Variants in ANTXR2 observed in about 807,000 individuals in gnomAD.
ANTXR2 encodes anthrax toxin receptor 2.
In ANTXR2, 44 loss-of-function variants were observed where a neutral mutation model predicts 73.7. That is an observed-to-expected ratio of 0.60 (90% confidence interval 0.47 to 0.77). The LOEUF is 0.77. ANTXR2 is among the 30% of genes least tolerant of loss of function. The pLI is 0.00. For synonymous variants in ANTXR2, 217 were observed against 205.9 expected (o/e 1.05, Z -0.46); for missense variants, 604 against 592.5 (o/e 1.02, Z -0.20).
At chr4:79,966,815 A>G (rs11098964) in intron 16 of ANTXR2, among the ~76,000 whole-genome samples, 73,155 of 151,966 alleles carry the variant, frequency 0.48, 20,215 homozygotes, top group East Asian at 0.94. Flanking sequence ...CCATGATTAA[A>G]TGGCCTGTGA....
chr4:80,066,233 G>A (rs949250527), intron 3 of ANTXR2, among the ~76,000 whole-genome samples: 10 of 152,088 alleles, frequency 6.6e-5, no homozygotes, highest in African/African-American at 2.4e-4. Context: ...ATCTTATTTT[G>A]ATCTTCACAA....
At chr4:79,909,031 C>A (rs1055547528) in intron 16 of ANTXR2, among the ~76,000 whole-genome samples, 12 of 152,038 alleles carry the variant, frequency 7.9e-5, no homozygotes, top group African/African-American at 2.9e-4. Flanking sequence ...AAAAGTAGTG[C>A]TTCTAAAACA....
At chr4:80,010,185 T>C (rs1165163673) in intron 11 of ANTXR2, among the ~76,000 whole-genome samples, 1 of 152,166 alleles carries the variant, frequency 6.6e-6, no homozygotes, top group Non-Finnish European at 1.5e-5. Flanking sequence ...CCAAAGTGCA[T>C]CTTTCTTTAC....
intron 12 of ANTXR2, among the ~76,000 whole-genome samples, chr4:80,002,198 G>C (rs957721981): frequency 1.3e-5 from 2 of 152,214 alleles, no homozygotes; most frequent in Admixed American, 1.3e-4. Flanking sequence ...CATGGTACTG[G>C]TACCAAAACA....
intron 16 of ANTXR2, among the ~76,000 whole-genome samples, chr4:79,957,426 C>T (rs10000339): frequency 0.75 from 113,538 of 151,898 alleles, 42,745 homozygotes; most frequent in East Asian, 0.96. Context: ...GAAAACATTG[C>T]TGCAAAAAGA....
chr4:79,908,942 G>A lies in ANTXR2; in HGVS notation c.1429-1475C>T, dbSNP rs181131630. ...ATAAAAGTGTTATTTTTCACAACACGTTATGTTCCATGGTTAGAAATACTT... is the reference window on the plus strand; with the variant it reads ...ATAAAAGTGTTATTTTTCACAACACATTATGTTCCATGGTTAGAAATACTT... On this transcript the variant is annotated intron_variant, in intron 16 of 16. Transcript: ENST00000403729. Among the ~76,000 whole-genome samples, 33 of 152,216 alleles carry A rather than the reference G, an allele frequency of 2.2e-4. No individual in the cohort carries two copies. The East Asian group carries it at 5.0e-3, about 23-fold the overall frequency.
At chr4:79,918,133 G>A (rs971146667) in intron 16 of ANTXR2, among the ~76,000 whole-genome samples, 1 of 152,156 alleles carries the variant, frequency 6.6e-6, no homozygotes, top group South Asian at 2.1e-4. Context: ...AACACTCACT[G>A]AATTTGAAGG....
At chr4:80,000,951 C>T (rs537479035) in intron 12 of ANTXR2, among the ~76,000 whole-genome samples, 2 of 152,142 alleles carry the variant, frequency 1.3e-5, no homozygotes, top group Non-Finnish European at 2.9e-5. Flanking sequence ...GTCCATGGAT[C>T]TCTGTTGTCA....
At chr4:79,990,253 T>C (rs2110029162) in intron 12 of ANTXR2, among the ~76,000 whole-genome samples, 1 of 151,832 alleles carries the variant, frequency 6.6e-6, no homozygotes, top group South Asian at 2.1e-4. Flanking sequence ...TTTCAAAAAG[T>C]TCCTGGACCT....
chr4:79,932,372 T>C (rs773531165), intron 16 of ANTXR2, among the ~76,000 whole-genome samples: 1 of 152,148 alleles, frequency 6.6e-6, no homozygotes, highest in African/African-American at 2.4e-5. Context: ...TAAGCATGCA[T>C]GTTTTGTTAA....
At chr4:79,992,366 A>G (rs1415658125) in intron 12 of ANTXR2, among the ~76,000 whole-genome samples, 1 of 152,030 alleles carries the variant, frequency 6.6e-6, no homozygotes, top group East Asian at 1.9e-4. Context: ...TTTAGTTTAG[A>G]TCCAAACCTC....
In ANTXR2 at chr4:80,069,500, T is replaced by C. The variant is rs746640754; in HGVS notation, c.232A>G (p.Met78Val). The part of the protein sequence containing the change: ...QLAERFVSPE[M>V]RLSFIVFSSQ... The stretch of plus-strand genomic sequence containing the variant: ...GAAAACACAATGAAAGATAATCTCA[T>C]TTCAGGGCTGCAAAATAAGAAAAGA... Residue 78 changes from methionine (M) to valine (V), a missense_variant, in exon 3 of 17, where the codon ATG becomes GTG. By Grantham distance (21) the Met-to-Val change is conservative. Coordinates refer to ENST00000403729, the MANE Select transcript of ANTXR2 (RefSeq NM_058172.6). 6.3e-7 allele frequency: 1 copy of C among 1,599,770 alleles called. No homozygotes were observed. Among genetic ancestry groups the C allele is most frequent in the South Asian group, 1.1e-5 (1 of 88,396 alleles).
chr4:80,004,140 T>C (rs1232782610), intron 12 of ANTXR2, among the ~76,000 whole-genome samples: 2 of 148,514 alleles, frequency 1.3e-5, no homozygotes, highest in East Asian at 4.0e-4. Flanking sequence ...TTATGCTGAA[T>C]GAAAAAAAGC....
At chr4:80,058,170 T>C (rs566307871) in intron 3 of ANTXR2, among the ~76,000 whole-genome samples, 2 of 152,206 alleles carry the variant, frequency 1.3e-5, no homozygotes, top group African/African-American at 4.8e-5. Context: ...AGCTCACCAT[T>C]GCTGCTGAGT....
At chr4:79,991,627 G>T (rs572968836) in intron 12 of ANTXR2, among the ~76,000 whole-genome samples, 3 of 151,782 alleles carry the variant, frequency 2.0e-5, no homozygotes, top group Non-Finnish European at 4.4e-5. Context: ...AATATAAATC[G>T]TTCTACCAAA....
chr4:80,021,212 A>T (rs1732147978), intron 10 of ANTXR2, among the ~76,000 whole-genome samples: 2 of 150,452 alleles, frequency 1.3e-5, no homozygotes, highest in African/African-American at 4.8e-5. Context: ...AGAATTCCGG[A>T]TGTTTACATC....
chr4:80,071,770 A>G (rs1316417554), intron 1 of ANTXR2, 116 bp from the exon 2 acceptor site: 4 of 794,878 alleles, frequency 5.0e-6, no homozygotes, highest in Non-Finnish European at 8.4e-6. Flanking sequence ...CTCTTTTTCA[A>G]GCTAAGTAAG....
intron 3 of ANTXR2, among the ~76,000 whole-genome samples, chr4:80,064,599 G>C (rs1734412905): frequency 1.3e-5 from 2 of 152,232 alleles, no homozygotes; most frequent in Admixed American, 1.3e-4. Flanking sequence ...TATTGTAAGA[G>C]ATTACTGGGG....
chr4:80,002,665 A>T, intron 12 of ANTXR2, among the ~76,000 whole-genome samples: 1 of 151,944 alleles, frequency 6.6e-6, no homozygotes. Context: ...TACTCATCTG[A>T]CAAAGGGCTC....
Sources: allele counts gnomAD v4.1 joint callset (sites outside exome capture counted in the v4.1 genomes callset), GRCh38; gene constraint gnomAD v4.1.1; transcripts MANE v1.5; gene names NCBI Gene and HGNC (gene_info 2026-07-23, HGNC 2026-07-21).